POM121C: variants seen among roughly 807,000 people sequenced by gnomAD.
POM121C encodes nuclear envelope pore membrane protein POM 121C.
Under a neutral mutation model 66.4 loss-of-function variants are expected in POM121C, and 20 were observed. That is an observed-to-expected ratio of 0.30 (90% CI 0.21 to 0.44). POM121C has a LOEUF of 0.44. Among genes scored for constraint, POM121C ranks in the 20% least tolerant of loss-of-function variants. The probability of loss-of-function intolerance (pLI) is 1.00; values close to 1 mark genes in which losing one functional copy is unlikely to be tolerated. For synonymous variants in POM121C, 286 were observed against 528.0 expected (o/e 0.54, Z 6.28); for missense variants, 580 against 1,225.7 (o/e 0.47, Z 7.87).
In POM121C at chr7:75,429,609, C is replaced by T. The variant is rs185891502; in HGVS notation, c.481-3156G>A. On this transcript the variant is annotated intron_variant, in intron 7 of 14. Transcript: ENST00000615331. Reference sequence around the variant, plus strand: ...TTGTGCCACTGCACTCCAGCCTGGGCGACAGAGCGAGACTCCATCTCACAA... The same window carrying T: ...TTGTGCCACTGCACTCCAGCCTGGGTGACAGAGCGAGACTCCATCTCACAA... Among the ~76,000 whole-genome samples the T allele has an allele frequency of 1.8e-4, 28 of 152,140 alleles. No individual in the cohort carries two copies. In the East Asian group the frequency reaches 4.3e-3, roughly 23 times the overall value.
chr7:75,440,568 A>C (rs1554473783), intron 5 of POM121C: 1 of 13,070 alleles, frequency 7.7e-5, no homozygotes, highest in South Asian at 2.3e-3. Flanking sequence ...ACTCCAACTC[A>C]AAAAAAAAAA....
rs1789497565 is a variant in POM121C at position 75,417,109 on chromosome 7, T to C, written c.*1687A>G. The C allele has an allele frequency of 9.8e-7, 1 of 1,024,818 alleles. No individual in the cohort carries two copies. The highest frequency in any genetic ancestry group is 1.2e-6 in the Non-Finnish European group (1 of 851,092). 63.5% of individuals were successfully genotyped at this position (1,024,818 alleles called of 1,614,324 possible). A position where few individuals can be genotyped will look rare whatever the true frequency, so the allele number is the denominator to read the frequency against. ...CCAGACCCTCCAATCCTAACAGGTA[T>C]TTAGGCTTGAGGTTCACTCCCTCCT... On this transcript the variant is annotated 3_prime_UTR_variant, in exon 15 of 15. Transcript: ENST00000615331.
At chr7:75,450,836 C>T (rs1460871660) in intron 3 of POM121C, among the ~76,000 whole-genome samples, 2 of 152,196 alleles carry the variant, frequency 1.3e-5, no homozygotes, top group South Asian at 2.1e-4. Flanking sequence ...TTCAAATGTC[C>T]GTGTTTCAAT....
intron 7 of POM121C, among the ~76,000 whole-genome samples, chr7:75,434,460 AG>A (rs1790325196): frequency 6.6e-6 from 1 of 151,948 alleles, no homozygotes; most frequent in Non-Finnish European, 1.5e-5. Context: ...TATTTTTAGT[AG>A]AGATGGGGTT....
chr7:75,477,121 A>ACACACACACG (rs1213314394), intron 1 of POM121C, among the ~76,000 whole-genome samples: 34 of 150,844 alleles, frequency 2.3e-4, no homozygotes, highest in African/African-American at 7.8e-4. Context: ...ACACACACAC[A>ACACACACACG]CACACACACA....
chr7:75,420,207 G>A (rs71234111), intron 13 of POM121C: 26,701 of 151,772 alleles, frequency 0.18, 2,677 homozygotes, highest in Middle Eastern at 0.28. Context: ...CAGCCCCTCG[G>A]CCCTGCCACC....
intron 7 of POM121C, among the ~76,000 whole-genome samples, chr7:75,434,374 G>C (rs139680864): frequency 2.6e-5 from 4 of 151,384 alleles, no homozygotes; most frequent in African/African-American, 9.7e-5. Flanking sequence ...TTCCAGGGTC[G>C]AGCAGTTCTC....
At chr7:75,447,232 A>T (rs1382306129) in intron 3 of POM121C, among the ~76,000 whole-genome samples, 1 of 151,924 alleles carries the variant, frequency 6.6e-6, no homozygotes, top group Non-Finnish European at 1.5e-5. Flanking sequence ...ACTATATCCC[A>T]TATGTTTACA....
chr7:75,418,619 T>C lies in POM121C; in HGVS notation c.*177A>G. 1 of 1,327,236 alleles carries C rather than the reference T, an allele frequency of 7.5e-7. No individual in the cohort carries two copies. Among genetic ancestry groups the C allele is most frequent in the Non-Finnish European group, 9.9e-7 (1 of 1,010,964 alleles). 82.2% of individuals were successfully genotyped at this position (1,327,236 alleles called of 1,614,324 possible). On this transcript the variant is annotated 3_prime_UTR_variant, in exon 15 of 15. Coordinates refer to ENST00000615331, the MANE Select transcript of POM121C (RefSeq NM_001099415.3). ...CATCCTGCTTCCCCTTCCCTGAGGC[T>C]TGTGCTTCCTCCAGAAGGGAAAGGG...
intron 3 of POM121C, among the ~76,000 whole-genome samples, chr7:75,465,419 A>G (rs1375547724): frequency 6.6e-6 from 1 of 151,648 alleles, no homozygotes; most frequent in Non-Finnish European, 1.5e-5. Flanking sequence ...CAGTCTGGCA[A>G]CACAGTGAGA....
rs375388422 is a variant in POM121C at position 75,418,849 on chromosome 7, G to A, written c.2911C>T (p.Pro971Ser). 6.2e-6 allele frequency: 10 copies of A among 1,611,830 alleles called. No individual in the cohort carries two copies. In the East Asian group the frequency reaches 1.6e-4, roughly 25 times the overall value. Residue 971 changes from proline (P) to serine (S), a missense_variant, in exon 15 of 15, where the codon CCA becomes TCA. Pro to Ser is a moderately conservative substitution (Grantham distance 74, BLOSUM62 -1). Transcript: ENST00000615331. ...SFSIGAGSKT[P>S]GARQRLQARR... ...GCCTGCAGTCGCTGTCGAGCCCCTG[G>A]GGTCTTGGATCCCGCACCAATGGAA...
rs1419885558 is a variant in POM121C, at chr7:75,469,066, A to G, written c.-152+5638T>C. ...CTCCTCTCTTTCTCTTACACACTGCATGCAAAGCATCTGCAAATCTTTTGG... is the reference window on the plus strand; with the variant it reads ...CTCCTCTCTTTCTCTTACACACTGCGTGCAAAGCATCTGCAAATCTTTTGG... On this transcript the variant is annotated intron_variant, in intron 3 of 14. Coordinates refer to ENST00000615331, the MANE Select transcript of POM121C (RefSeq NM_001099415.3). Among the ~76,000 whole-genome samples, 26 of 151,248 alleles carry G rather than the reference A, an allele frequency of 1.7e-4. 1 individual carries two copies. Among genetic ancestry groups the G allele is most frequent in the Non-Finnish European group, 7.4e-5 (5 of 67,914 alleles).
intron 3 of POM121C, among the ~76,000 whole-genome samples, chr7:75,462,332 T>C (rs1280908164): frequency 6.6e-6 from 1 of 152,080 alleles, no homozygotes; most frequent in Admixed American, 6.6e-5. Context: ...TCCTGAGGCC[T>C]CCCCAGCCAA....
chr7:75,431,074 CAAAAAAAAAAAAAAA>C (rs34253601), intron 7 of POM121C, among the ~76,000 whole-genome samples: 1 of 59,716 alleles, frequency 1.7e-5, no homozygotes, highest in Non-Finnish European at 2.9e-5. Context: ...GACTCTGTCT[CAAAAAAAAAAAAAAA>C]AAAAAAAAAA....
At chr7:75,477,440 C>A (rs1410463038) in intron 1 of POM121C, among the ~76,000 whole-genome samples, 1 of 151,800 alleles carries the variant, frequency 6.6e-6, no homozygotes, top group African/African-American at 2.4e-5. Context: ...AAAACAACAA[C>A]AAAATTAGTT....
chr7:75,476,283 C>CT (rs1179479144), intron 1 of POM121C, among the ~76,000 whole-genome samples: 1 of 133,188 alleles, frequency 7.5e-6, no homozygotes, highest in Non-Finnish European at 1.6e-5. Flanking sequence ...AGAGCGAGAC[C>CT]TTGTCTCAAA....
At chr7:75,465,570 T>C (rs1459895615) in intron 3 of POM121C, among the ~76,000 whole-genome samples, 29 of 151,222 alleles carry the variant, frequency 1.9e-4, no homozygotes, top group African/African-American at 6.8e-4. Context: ...CTGGCCAAGA[T>C]GGTGAAACCC....
chr7:75,428,003 T>C (rs1312960483), intron 7 of POM121C, among the ~76,000 whole-genome samples: 2 of 152,114 alleles, frequency 1.3e-5, no homozygotes, highest in African/African-American at 4.8e-5. Context: ...AACATGGGAT[T>C]ACAGGCATAT....
At chr7:75,462,133 G>A (rs1181639727) in intron 3 of POM121C, among the ~76,000 whole-genome samples, 2 of 146,942 alleles carry the variant, frequency 1.4e-5, no homozygotes, top group African/African-American at 2.6e-5. Context: ...AGGGGTCAAG[G>A]AGGGACCTGG....
Sources: allele counts gnomAD v4.1 joint callset (sites outside exome capture counted in the v4.1 genomes callset), GRCh38; gene constraint gnomAD v4.1.1; transcripts MANE v1.5; gene names NCBI Gene and HGNC (gene_info 2026-07-23, HGNC 2026-07-21).